Variants in ANO2 observed in about 807,000 individuals in gnomAD.
ANO2 encodes anoctamin 2, also known as anoctamin-2.
Under a neutral mutation model 124.2 loss-of-function variants are expected in ANO2, and 101 were observed. The observed-to-expected ratio is 0.81, with a 90% confidence interval of 0.69 to 0.96. The LOEUF is 0.96. Ranked by LOEUF, ANO2 falls within the 40% of genes least tolerant of loss-of-function variation. The pLI, the probability that ANO2 is intolerant of heterozygous loss-of-function variation, is 0.00. For missense variants in ANO2, 1,293 were observed against 1,274.5 expected (o/e 1.01, Z -0.22); for synonymous variants, 486 against 482.5 (o/e 1.01, Z -0.09).
chr12:5,888,524 TC>T (rs1218634673), intron 3 of ANO2, among the ~76,000 whole-genome samples: 1 of 152,082 alleles, frequency 6.6e-6, no homozygotes, highest in Non-Finnish European at 1.5e-5. Context: ...AGCTGAATGG[TC>T]CATTTTGACA....
At chr12:5,892,181 AGAG>A (rs746517051) in intron 3 of ANO2, among the ~76,000 whole-genome samples, 3 of 152,204 alleles carry the variant, frequency 2.0e-5, no homozygotes, top group Non-Finnish European at 2.9e-5. Context: ...TTGAAGTGAC[AGAG>A]GAGTCAGTAT....
intron 2 of ANO2, among the ~76,000 whole-genome samples, chr12:5,922,008 A>C (rs1294523330): frequency 6.6e-6 from 1 of 150,592 alleles, no homozygotes; most frequent in Non-Finnish European, 1.5e-5. Flanking sequence ...CCCGACCCCT[A>C]CCCTCCCACC....
chr12:5,859,748 G>A (rs559437465), intron 3 of ANO2, among the ~76,000 whole-genome samples: 1 of 152,070 alleles, frequency 6.6e-6, no homozygotes, highest in Non-Finnish European at 1.5e-5. Context: ...TCCCCAGCCT[G>A]GTCTCAAACT....
chr12:5,921,261 A>C lies in ANO2; in HGVS notation c.313T>G (p.Tyr105Asp). The change falls in exon 3 of 25, where the codon TAC (tyrosine) becomes GAC (aspartate). Residue 105 changes from tyrosine to aspartate, a missense_variant. Coordinates refer to ENST00000682330, the MANE Select transcript of ANO2 (RefSeq NM_001364791.2). ...TGCACCCCGCGTTTCCGGTAGTGGT[A>C]GGCAAGTACATAGTCGACCTTCCTC... ...SQRKVDYVLA[Y>D]HYRKRGVHLA... The C allele has an allele frequency of 1.2e-6, 2 of 1,614,006 alleles. No homozygotes were observed. Among genetic ancestry groups the C allele is most frequent in the Non-Finnish European group, 1.7e-6 (2 of 1,179,886 alleles).
chr12:5,920,735 C>T (rs1223120603), intron 3 of ANO2, among the ~76,000 whole-genome samples: 4 of 152,004 alleles, frequency 2.6e-5, no homozygotes, highest in South Asian at 4.2e-4. Flanking sequence ...GGTCTGGTGG[C>T]GGGCGCCTAT....
At chr12:5,627,422 C>T (rs2136926582) in intron 16 of ANO2, among the ~76,000 whole-genome samples, 1 of 152,282 alleles carries the variant, frequency 6.6e-6, no homozygotes, top group African/African-American at 2.4e-5. Flanking sequence ...TGTGGCGTCC[C>T]CGCAGAGAGG....
chr12:5,831,929 G>C (rs1474765457), intron 5 of ANO2, among the ~76,000 whole-genome samples: 1 of 152,132 alleles, frequency 6.6e-6, no homozygotes, highest in African/African-American at 2.4e-5. Context: ...TTTCCAAGTG[G>C]CTATCTCTGT....
chr12:5,643,584 GC>G (rs1946492196), intron 15 of ANO2, among the ~76,000 whole-genome samples: 1 of 152,036 alleles, frequency 6.6e-6, no homozygotes, highest in Non-Finnish European at 1.5e-5. Context: ...GAATTTCTGG[GC>G]CCCAGGATAT....
chr12:5,864,516 C>A (rs1955366970), intron 3 of ANO2, among the ~76,000 whole-genome samples: 1 of 152,192 alleles, frequency 6.6e-6, no homozygotes, highest in African/African-American at 2.4e-5. Context: ...CGCCATCCTG[C>A]AAGTGGAATC....
intron 4 of ANO2, among the ~76,000 whole-genome samples, chr12:5,848,988 T>C (rs545754007): frequency 6.6e-6 from 1 of 152,308 alleles, no homozygotes; most frequent in African/African-American, 2.4e-5. Flanking sequence ...CCCTCCACAA[T>C]GTGTATTACT....
chr12:5,886,232 G>A (rs59382088), intron 3 of ANO2, among the ~76,000 whole-genome samples: 11,493 of 143,880 alleles, frequency 0.08, 846 homozygotes, highest in African/African-American at 0.23. Context: ...GGAAGCAAGC[G>A]TCTGTAAATG....
chr12:5,649,753 T>G (rs971534005), intron 14 of ANO2, among the ~76,000 whole-genome samples: 6 of 151,882 alleles, frequency 4.0e-5, no homozygotes, highest in Non-Finnish European at 8.8e-5. Flanking sequence ...TACAGGCACA[T>G]GCCACGATGC....
At chr12:5,782,290 GC>G (rs1301357706) in intron 10 of ANO2, among the ~76,000 whole-genome samples, 1 of 152,102 alleles carries the variant, frequency 6.6e-6, no homozygotes, top group African/African-American at 2.4e-5. Context: ...ATATGGTAGA[GC>G]TTTTTTCAAC....
chr12:5,903,678 G>GTGT (rs1565765485), intron 3 of ANO2, among the ~76,000 whole-genome samples: 4 of 108,658 alleles, frequency 3.7e-5, no homozygotes, highest in South Asian at 5.8e-4. Context: ...TGTGTGTGTG[G>GTGT]GTGTAGACAG....
At chr12:5,796,796 A>C (rs772582423) in intron 10 of ANO2, among the ~76,000 whole-genome samples, 4 of 152,170 alleles carry the variant, frequency 2.6e-5, no homozygotes, top group Admixed American at 6.5e-5. Context: ...CCAAGACTCA[A>C]AATGAGGCCT....
chr12:5,862,010 C>T lies in ANO2; in HGVS notation c.535-7869G>A, dbSNP rs11063889. On this transcript the variant is annotated intron_variant, in intron 3 of 24. Coordinates refer to ENST00000682330, the MANE Select transcript of ANO2 (RefSeq NM_001364791.2). The surrounding 1 kb of genome is among the most constrained non-coding windows in gnomAD (Gnocchi z 4.0). ...GAACACCATAGTCTACCTGTGTCAT[C>T]GTGAAGATCAAAGCCTTAACTTCCT... is the stretch of plus-strand genomic sequence containing the variant. Among the ~76,000 whole-genome samples the T allele has an allele frequency of 0.078, 11,887 of 152,256 alleles. 657 individuals are homozygous for T. Among genetic ancestry groups the T allele is most frequent in the East Asian group, 0.27 (1,395 of 5,158 alleles).
At position 5,945,096 on chromosome 12, in the gene ANO2, T is replaced by C. The variant is rs1943045875; in HGVS notation, c.22+100A>G. 4 of 1,141,518 alleles carry C rather than the reference T, an allele frequency of 3.5e-6. No individual in the cohort carries two copies. In the South Asian group the frequency reaches 5.5e-5, roughly 16 times the overall value. 70.7% of individuals were successfully genotyped at this position (1,141,518 alleles called of 1,614,324 possible). The stretch of plus-strand genomic sequence containing the variant: ...CACCCTGCCCAGGCTCCCTTGGGGG[T>C]CCCCAATCCCGAAGGGTGGGAGTTC... On this transcript the variant is annotated intron_variant, in intron 1 of 24. Coordinates refer to ENST00000682330, the MANE Select transcript of ANO2 (RefSeq NM_001364791.2).
At chr12:5,610,983 T>TTTTTTTTTCTTTTTTTTTTG (rs1555100751) in intron 19 of ANO2, among the ~76,000 whole-genome samples, 1 of 121,656 alleles carries the variant, frequency 8.2e-6, no homozygotes, top group African/African-American at 3.1e-5. Flanking sequence ...TTTTTTTTTT[T>TTTTTTTTTCTTTTTTTTTTG]TTTTTTGAGA....
At chr12:5,628,714 G>A (rs911767121) in intron 16 of ANO2, among the ~76,000 whole-genome samples, 1 of 152,176 alleles carries the variant, frequency 6.6e-6, no homozygotes, top group East Asian at 1.9e-4. Flanking sequence ...GCGTGCACAT[G>A]TGCATGCATG....
Sources: gnomAD v4.1 joint callset for allele counts (sites outside exome capture counted in the v4.1 genomes callset) on GRCh38, gnomAD v4.1.1 for gene constraint, Gnocchi (gnomAD v3.1) non-coding constraint, MANE v1.5 for transcripts, NCBI Gene and HGNC (gene_info 2026-07-23, HGNC 2026-07-21) for gene names.